The following ZNF804A variants were observed in gnomAD, a reference collection of about 807,000 sequenced individuals.
The protein encoded by ZNF804A is zinc finger protein 804A.
A neutral mutation model predicts 16.5 loss-of-function variants in ZNF804A; 2 were observed. The observed-to-expected ratio is 0.12, with a 90% confidence interval of 0.05 to 0.38. The LOEUF (loss-of-function observed/expected upper bound fraction) is 0.38. ZNF804A is among the 10% of genes least tolerant of loss of function. The pLI is 0.99. For synonymous variants in ZNF804A, 534 were observed against 489.6 expected, an observed-to-expected ratio of 1.09 and a Z score of -1.20; for missense variants, 1,473 against 1,390.7, an observed-to-expected ratio of 1.06 and a Z score of -0.94.
At chr2:184,887,176 T>C (rs946235644) in intron 2 of ZNF804A, among the ~76,000 whole-genome samples, 1 of 152,162 alleles carries the variant, frequency 6.6e-6, no homozygotes, top group African/African-American at 2.4e-5. Flanking sequence ...GTTCCACAAA[T>C]CTCCAGGGCA....
intron 1 of ZNF804A, among the ~76,000 whole-genome samples, chr2:184,835,341 T>C (rs1250048088): frequency 6.6e-6 from 1 of 152,168 alleles, no homozygotes; most frequent in Non-Finnish European, 1.5e-5. Context: ...GTCATATTTA[T>C]ATCCACCTTT....
chr2:184,904,289 T>G (rs1378720495), intron 2 of ZNF804A, among the ~76,000 whole-genome samples: 1 of 152,062 alleles, frequency 6.6e-6, no homozygotes, highest in Non-Finnish European at 1.5e-5. Context: ...TAAAAAATTT[T>G]TATTAATTTT....
intron 1 of ZNF804A, among the ~76,000 whole-genome samples, chr2:184,683,712 C>T (rs1326779211): frequency 6.6e-6 from 1 of 152,024 alleles, no homozygotes; most frequent in Non-Finnish European, 1.5e-5. Flanking sequence ...TTAAGAGTGC[C>T]ATAAGGAGGT....
intron 1 of ZNF804A, among the ~76,000 whole-genome samples, chr2:184,762,828 T>C (rs1164857628): frequency 1.3e-5 from 2 of 152,054 alleles, no homozygotes; most frequent in African/African-American, 4.8e-5. Context: ...TTCTAAGCAG[T>C]GAGGAAATGA....
intron 2 of ZNF804A, among the ~76,000 whole-genome samples, chr2:184,925,736 A>G (rs1393570381): frequency 6.6e-6 from 1 of 151,822 alleles, no homozygotes; most frequent in Non-Finnish European, 1.5e-5. Context: ...TGAGGTTAGT[A>G]TAAGGCTTGC....
At chr2:184,854,360 C>T (rs1695654900) in intron 1 of ZNF804A, among the ~76,000 whole-genome samples, 1 of 151,928 alleles carries the variant, frequency 6.6e-6, no homozygotes, top group Admixed American at 6.6e-5. Flanking sequence ...CTCAGATTCC[C>T]CCATGCAAGT....
intron 1 of ZNF804A, among the ~76,000 whole-genome samples, chr2:184,733,088 A>G (rs1442569922): frequency 6.6e-6 from 1 of 152,108 alleles, no homozygotes; most frequent in Non-Finnish European, 1.5e-5. Context: ...TACAGGGGAC[A>G]TCTTTGTTTT....
At chr2:184,682,827 C>A (rs1390161149) in intron 1 of ZNF804A, among the ~76,000 whole-genome samples, 2 of 151,918 alleles carry the variant, frequency 1.3e-5, no homozygotes, top group African/African-American at 4.8e-5. Flanking sequence ...GGAAACATGA[C>A]AAAACCAGAT....
rs1372516405 is a variant in ZNF804A at position 184,794,483 on chromosome 2, A to G, written c.112-71886A>G. On this transcript the variant is annotated intron_variant, in intron 1 of 3. Transcript: ENST00000302277. ...AGATTCTGGATAGTAGTCCTTTGTC[A>G]GATGTATAGATTTTGGAGATTTCTC... 2.0e-5 allele frequency among the ~76,000 whole-genome samples: 3 copies of G among 152,052 alleles called. No individual in the cohort carries two copies. In the East Asian group the frequency reaches 5.8e-4, roughly 29 times the overall value.
At chr2:184,768,075 C>G (rs921422232) in intron 1 of ZNF804A, among the ~76,000 whole-genome samples, 3 of 152,034 alleles carry the variant, frequency 2.0e-5, no homozygotes, top group African/African-American at 7.2e-5. Flanking sequence ...CCAGCAGATT[C>G]AACCAACCCG....
chr2:184,833,084 C>A (rs899320897), intron 1 of ZNF804A, among the ~76,000 whole-genome samples: 1 of 151,972 alleles, frequency 6.6e-6, no homozygotes, highest in Non-Finnish European at 1.5e-5. Flanking sequence ...TTGCTTTCCA[C>A]TGTAACTGTC....
intron 2 of ZNF804A, among the ~76,000 whole-genome samples, chr2:184,885,893 G>A (rs1684880956): frequency 6.6e-6 from 1 of 152,092 alleles, no homozygotes; most frequent in Non-Finnish European, 1.5e-5. Flanking sequence ...AGATTTGGGT[G>A]GGACACAGCC....
At chr2:184,866,258 T>C (rs898409377) in intron 1 of ZNF804A, 111 bp from the exon 2 acceptor site, 27 of 891,298 alleles carry the variant, frequency 3.0e-5, no homozygotes, top group African/African-American at 7.1e-5. Flanking sequence ...TTTTTCTCTT[T>C]GCTGTATTCT....
In ZNF804A at chr2:184,928,842, C is replaced by T. The variant is rs569245849; in HGVS notation, c.256-4761C>T. Among the ~76,000 whole-genome samples the T allele has an allele frequency of 4.1e-4, 62 of 152,242 alleles. No individual in the cohort carries two copies. The East Asian group carries it at 4.8e-3, about 12-fold the overall frequency. ...GCACTGAGTTCAACATAACGTCTCA[C>T]AGTTGTTTCTCTCTCACTCTCTCAA... On this transcript the variant is annotated intron_variant, in intron 2 of 3. Coordinates refer to ENST00000302277, the MANE Select transcript of ZNF804A (RefSeq NM_194250.2).
intron 1 of ZNF804A, among the ~76,000 whole-genome samples, chr2:184,786,728 G>A (rs933186938): frequency 7.9e-5 from 12 of 151,812 alleles, no homozygotes; most frequent in African/African-American, 1.2e-4. Flanking sequence ...AATAAATAAC[G>A]TTGATTACTT....
chr2:184,693,133 C>T (rs927511358), intron 1 of ZNF804A, among the ~76,000 whole-genome samples: 6 of 152,060 alleles, frequency 3.9e-5, no homozygotes, highest in African/African-American at 9.7e-5. Context: ...TATTTCTGCA[C>T]ATCTGCCAAA....
intron 2 of ZNF804A, among the ~76,000 whole-genome samples, chr2:184,915,635 G>C (rs1423153977): frequency 2.0e-5 from 3 of 152,078 alleles, no homozygotes; most frequent in Admixed American, 2.0e-4. Context: ...GAACTGAATG[G>C]TCAGAAAATC....
At chr2:184,679,824 C>T (rs1254286978) in intron 1 of ZNF804A, among the ~76,000 whole-genome samples, 1 of 152,138 alleles carries the variant, frequency 6.6e-6, no homozygotes, top group Non-Finnish European at 1.5e-5. Flanking sequence ...AGTCTGGGCT[C>T]CATGGGCACT....
intron 2 of ZNF804A, among the ~76,000 whole-genome samples, chr2:184,923,739 T>C (rs1435692543): frequency 6.6e-6 from 1 of 151,980 alleles, no homozygotes; most frequent in Non-Finnish European, 1.5e-5. Flanking sequence ...AACCCAGTTT[T>C]TTGAGGGCTT....
Sources: gnomAD v4.1 joint callset for allele counts (sites outside exome capture counted in the v4.1 genomes callset) on GRCh38, gnomAD v4.1.1 for gene constraint, MANE v1.5 for transcripts, NCBI Gene and HGNC (gene_info 2026-07-23, HGNC 2026-07-21) for gene names.